The following VAV3 variants were observed in gnomAD, a reference collection of about 807,000 sequenced individuals.
VAV3 encodes the protein vav guanine nucleotide exchange factor 3, also known as guanine nucleotide exchange factor VAV3.
In VAV3, 94 loss-of-function variants were observed where a neutral mutation model predicts 131.2. The ratio of observed to expected loss-of-function variants is 0.72; its 90% CI spans 0.61 to 0.85. The LOEUF is 0.85. Ranked by LOEUF, VAV3 falls within the 40% of genes least tolerant of loss-of-function variation. The pLI, the probability that VAV3 is intolerant of heterozygous loss-of-function variation, is 0.00. For synonymous variants in VAV3, 349 were observed against 342.0 expected (o/e 1.02, Z -0.22); for missense variants, 939 against 1,002.7 (o/e 0.94, Z 0.86).
At chr1:107,595,338 C>T (rs1651286252) in intron 25 of VAV3, among the ~76,000 whole-genome samples, 1 of 152,078 alleles carries the variant, frequency 6.6e-6, no homozygotes, top group South Asian at 2.1e-4. Flanking sequence ...TTACCTGTTC[C>T]CCTTTCAGTT....
At chr1:107,640,283 G>A (rs1026749287) in intron 20 of VAV3, among the ~76,000 whole-genome samples, 2 of 152,058 alleles carry the variant, frequency 1.3e-5, no homozygotes, top group Non-Finnish European at 2.9e-5. Flanking sequence ...GATAATCAGC[G>A]ATAAAAAGAA....
At chr1:107,902,454 T>C (rs1311867678) in intron 1 of VAV3, among the ~76,000 whole-genome samples, 2 of 152,234 alleles carry the variant, frequency 1.3e-5, no homozygotes, top group Non-Finnish European at 2.9e-5. Flanking sequence ...TCTGGAAGAA[T>C]AACGCATCTA....
intron 20 of VAV3, among the ~76,000 whole-genome samples, chr1:107,633,551 G>C (rs1277804894): frequency 2.0e-5 from 3 of 152,156 alleles, no homozygotes; most frequent in Admixed American, 2.0e-4. Flanking sequence ...TTTTCTGTCT[G>C]TGGCACACTG....
chr1:107,761,273 G>T (rs919241729), intron 9 of VAV3, among the ~76,000 whole-genome samples: 2 of 151,628 alleles, frequency 1.3e-5, no homozygotes, highest in Admixed American at 6.6e-5. Flanking sequence ...GGTGCCTGTA[G>T]TCCCAGCTAC....
intron 7 of VAV3, among the ~76,000 whole-genome samples, chr1:107,768,005 A>C (rs1664828102): frequency 6.6e-6 from 1 of 152,240 alleles, no homozygotes; most frequent in Non-Finnish European, 1.5e-5. Flanking sequence ...AGTAGAAAGC[A>C]CCAAATAGTA....
At chr1:107,605,897 A>G (rs944738257) in intron 22 of VAV3, among the ~76,000 whole-genome samples, 26 of 152,180 alleles carry the variant, frequency 1.7e-4, no homozygotes, top group Admixed American at 9.2e-4. Flanking sequence ...GGGATACTCA[A>G]CCTATAGCTG....
intron 14 of VAV3, 46 bp from the exon 15 acceptor site, chr1:107,749,123 A>G (rs1266252409): frequency 1.5e-6 from 2 of 1,326,366 alleles, no homozygotes; most frequent in African/African-American, 1.5e-5. Flanking sequence ...CATTAATAAC[A>G]TGTTTCTAAA....
intron 19 of VAV3, chr1:107,669,078 A>C: frequency 1.9e-6 from 2 of 1,079,646 alleles, no homozygotes; most frequent in South Asian, 5.2e-5. Flanking sequence ...AACACAGGGG[A>C]AAAAAAGAAA....
chr1:107,688,486 G>A, intron 17 of VAV3, 80 bp from the exon 18 acceptor site: 1 of 1,599,182 alleles, frequency 6.3e-7, no homozygotes, highest in Non-Finnish European at 8.5e-7. Flanking sequence ...TCTGCAGAGT[G>A]GTAAAACACC....
intron 20 of VAV3, 147 bp downstream of exon 20, chr1:107,642,472 G>A: frequency 1.1e-6 from 1 of 888,292 alleles, no homozygotes; most frequent in Non-Finnish European, 1.7e-6. Flanking sequence ...CTCTGTCTAT[G>A]GAGTAGCCAT....
intron 25 of VAV3, among the ~76,000 whole-genome samples, chr1:107,575,011 GCGCGCACA>G (rs1181541530): frequency 0.027 from 619 of 22,776 alleles, 8 homozygotes; most frequent in South Asian, 0.061. Flanking sequence ...GCGCGCGCGC[GCGCGCACA>G]CGCGCGCGTG....
intron 20 of VAV3, among the ~76,000 whole-genome samples, chr1:107,623,347 T>C (rs1349502640): frequency 6.6e-6 from 1 of 152,220 alleles, no homozygotes; most frequent in African/African-American, 2.4e-5. Context: ...TCTATAATAT[T>C]GTTTCTTGAT....
chr1:107,636,025 C>T (rs1654904939), intron 20 of VAV3, among the ~76,000 whole-genome samples: 1 of 152,184 alleles, frequency 6.6e-6, no homozygotes, highest in Non-Finnish European at 1.5e-5. Flanking sequence ...TCTTAAAACT[C>T]TACCTTGTAC....
intron 19 of VAV3, among the ~76,000 whole-genome samples, chr1:107,646,760 A>G (rs1655767686): frequency 6.6e-6 from 1 of 152,058 alleles, no homozygotes; most frequent in Admixed American, 6.6e-5. Flanking sequence ...TAACAAACAA[A>G]TTAGCAATAT....
At chr1:107,826,847 T>C (rs1668038120) in intron 2 of VAV3, among the ~76,000 whole-genome samples, 1 of 152,108 alleles carries the variant, frequency 6.6e-6, no homozygotes, top group Admixed American at 6.6e-5. Context: ...AAATAAAGGG[T>C]GTAATGTCAG....
At chr1:107,787,868 T>C (rs527440883) in intron 2 of VAV3, among the ~76,000 whole-genome samples, 1 of 152,296 alleles carries the variant, frequency 6.6e-6, no homozygotes, top group Non-Finnish European at 1.5e-5. Context: ...TCTGCCTTCT[T>C]GACCTCAACA....
At chr1:107,701,572 T>G (rs2101832739) in intron 17 of VAV3, among the ~76,000 whole-genome samples, 1 of 152,334 alleles carries the variant, frequency 6.6e-6, no homozygotes, top group East Asian at 1.9e-4. Context: ...CCTCATTACT[T>G]ATGCAAACTT....
chr1:107,573,932 TG>T, intron 26 of VAV3, 114 bp downstream of exon 26: 1 of 1,369,168 alleles, frequency 7.3e-7, no homozygotes, highest in Non-Finnish European at 9.8e-7. Flanking sequence ...CAGAGGCCTG[TG>T]GGCTGAAAGC....
intron 2 of VAV3, among the ~76,000 whole-genome samples, chr1:107,826,298 T>C (rs1668010488): frequency 1.3e-5 from 2 of 152,220 alleles, no homozygotes; most frequent in South Asian, 4.1e-4. Context: ...TATGCAGATT[T>C]GAAACCTGTA....
Sources: allele counts gnomAD v4.1 joint callset (sites outside exome capture counted in the v4.1 genomes callset), GRCh38; gene constraint gnomAD v4.1.1; transcripts MANE v1.5; gene names NCBI Gene and HGNC (gene_info 2026-07-23, HGNC 2026-07-21).